The following WWTR1 variants were observed in gnomAD, a reference collection of about 807,000 sequenced individuals.
The protein encoded by WWTR1 is WW domain-containing transcription regulator protein 1.
A neutral mutation model predicts 40.1 loss-of-function variants in WWTR1; 13 were observed. The ratio of observed to expected loss-of-function variants is 0.32; its 90% CI spans 0.21 to 0.52. WWTR1 has a LOEUF of 0.52. Ranked by LOEUF, WWTR1 falls within the 20% of genes least tolerant of loss-of-function variation. The pLI, the probability that WWTR1 is intolerant of heterozygous loss-of-function variation, is 0.97. For synonymous variants in WWTR1, 230 were observed against 210.1 expected, an observed-to-expected ratio of 1.09 and a Z score of -0.82; for missense variants, 436 against 523.1, an observed-to-expected ratio of 0.83 and a Z score of 1.63.
chr3:149,654,262 C>T (rs1425348361), intron 2 of WWTR1, among the ~76,000 whole-genome samples: 3 of 152,168 alleles, frequency 2.0e-5, no homozygotes, highest in Admixed American at 6.5e-5. Context: ...CACTGAAATA[C>T]ACTGCCTTTT....
chr3:149,620,494 C>T (rs1449224055), intron 2 of WWTR1, among the ~76,000 whole-genome samples: 1 of 151,976 alleles, frequency 6.6e-6, no homozygotes, highest in Non-Finnish European at 1.5e-5. Flanking sequence ...AAACTTAGTT[C>T]CAAGTGCCTT....
chr3:149,619,686 G>T (rs1305131515), intron 2 of WWTR1, among the ~76,000 whole-genome samples: 3 of 152,102 alleles, frequency 2.0e-5, no homozygotes, highest in South Asian at 2.1e-4. Context: ...TCCACACTCT[G>T]TTTATTTTTA....
Position 149,595,725 on chromosome 3 carries a change from T to C in WWTR1, c.432-22725A>G, listed in dbSNP as rs77279305. 1.5e-3 allele frequency among the ~76,000 whole-genome samples: 222 copies of C among 152,268 alleles called. 1 individual carries two copies. The highest frequency in any genetic ancestry group is 5.2e-3 in the African/African-American group (217 of 41,556). On this transcript the variant is annotated intron_variant, in intron 2 of 6. Coordinates refer to ENST00000360632, the MANE Select transcript of WWTR1 (RefSeq NM_015472.6). Reference sequence around the variant, plus strand: ...AATTCCTCCCAAATTAACATTCATATTATGGTTCAAATTTCTCCATAATTG... The same window carrying C: ...AATTCCTCCCAAATTAACATTCATACTATGGTTCAAATTTCTCCATAATTG...
At chr3:149,723,120 C>A (rs916262542) in intron 4 of WWTR1, among the ~76,000 whole-genome samples, 2 of 149,346 alleles carry the variant, frequency 1.3e-5, no homozygotes, top group African/African-American at 2.5e-5. Flanking sequence ...ATATTTGAAT[C>A]TAATAATGTG....
At chr3:149,622,469 G>GAAA (rs1560089557) in intron 2 of WWTR1, among the ~76,000 whole-genome samples, 4 of 96,752 alleles carry the variant, frequency 4.1e-5, no homozygotes, top group African/African-American at 1.5e-4. Flanking sequence ...AAGGAAGGAA[G>GAAA]GAAGGAAGGA....
upstream of WWTR1, among the ~76,000 whole-genome samples, chr3:149,662,214 TTGTAACTCTAGAGCAGAGTGCA>T (rs1713618368): frequency 6.6e-6 from 1 of 151,980 alleles, no homozygotes; most frequent in Admixed American, 6.6e-5. Context: ...CAGCCCAGGG[TTGTAACTCTAGAGCAGAGTGCA>T]TTCTCCAGAC....
chr3:149,527,153 CTTTCTT>C (rs144248792), intron 5 of WWTR1, among the ~76,000 whole-genome samples: 76,044 of 144,342 alleles, frequency 0.53, 21,016 homozygotes, highest in South Asian at 0.69. Context: ...CTTTTCTTTT[CTTTCTT>C]TTTTTTTTTT....
chr3:149,673,904 C>A (rs60317346), intron 1 of WWTR1, among the ~76,000 whole-genome samples: 30,208 of 151,644 alleles, frequency 0.2, 3,269 homozygotes, highest in Admixed American at 0.3. Context: ...GGCTGTTTTG[C>A]AATGGAAGGT....
chr3:149,645,301 G>A (rs556857196), intron 2 of WWTR1, among the ~76,000 whole-genome samples: 4 of 151,234 alleles, frequency 2.6e-5, no homozygotes, highest in South Asian at 2.1e-4. Context: ...GGATGGTCTT[G>A]ATCTCCTGAC....
intron 2 of WWTR1, among the ~76,000 whole-genome samples, chr3:149,594,950 CTTTT>C (rs563658190): frequency 0.083 from 5,113 of 61,842 alleles, 514 homozygotes; most frequent in East Asian, 0.37. Context: ...CTCTTTTTTA[CTTTT>C]TTTTTTTTTT....
intron 2 of WWTR1, among the ~76,000 whole-genome samples, chr3:149,588,601 T>C (rs910507585): frequency 8.5e-5 from 13 of 152,224 alleles, no homozygotes; most frequent in African/African-American, 3.1e-4. Context: ...GTGAACATAA[T>C]CCCGTTTTGG....
intron 1 of WWTR1, among the ~76,000 whole-genome samples, chr3:149,673,684 C>T (rs994458971): frequency 1.3e-5 from 2 of 152,148 alleles, no homozygotes; most frequent in African/African-American, 4.8e-5. Flanking sequence ...AAAAAGCAGA[C>T]TCCATTTTTA....
chr3:149,555,990 T>C (rs926404104), intron 3 of WWTR1, among the ~76,000 whole-genome samples: 4 of 152,034 alleles, frequency 2.6e-5, no homozygotes, highest in African/African-American at 9.7e-5. Flanking sequence ...GAAATCAGGG[T>C]GGGGGACAAG....
At chr3:149,630,462 C>T (rs977230043) in intron 2 of WWTR1, among the ~76,000 whole-genome samples, 3 of 152,192 alleles carry the variant, frequency 2.0e-5, no homozygotes, top group Non-Finnish European at 4.4e-5. Context: ...TAGCTGGCCA[C>T]CTCATAGACA....
chr3:149,651,992 A>ATTTTTTTTTTT (rs368845286), intron 2 of WWTR1, among the ~76,000 whole-genome samples: 92 of 93,680 alleles, frequency 9.8e-4, no homozygotes, highest in East Asian at 2.6e-3. Context: ...CGCCCGGCTA[A>ATTTTTTTTTTT]TTTTTTTTTT....
At chr3:149,623,473 G>A (rs1000463047) in intron 2 of WWTR1, among the ~76,000 whole-genome samples, 1 of 152,144 alleles carries the variant, frequency 6.6e-6, no homozygotes, top group African/African-American at 2.4e-5. Flanking sequence ...CTATAAAATG[G>A]AATTCTGGGC....
chr3:149,531,772 T>C (rs1735592736), intron 4 of WWTR1, among the ~76,000 whole-genome samples: 1 of 152,154 alleles, frequency 6.6e-6, no homozygotes, highest in South Asian at 2.1e-4. Flanking sequence ...TCATTCTCTG[T>C]CTTTCCTACT....
chr3:149,604,093 A>G (rs1015487541), intron 2 of WWTR1, among the ~76,000 whole-genome samples: 1 of 152,260 alleles, frequency 6.6e-6, no homozygotes, highest in African/African-American at 2.4e-5. Context: ...ATAGTTTCAT[A>G]TTACATAATA....
intron 2 of WWTR1, among the ~76,000 whole-genome samples, chr3:149,641,829 TA>T (rs1479394794): frequency 1.3e-5 from 2 of 152,244 alleles, no homozygotes; most frequent in Non-Finnish European, 2.9e-5. Context: ...CTGTGTACCA[TA>T]CGGATTACAG....
Sources: allele counts gnomAD v4.1 joint callset (sites outside exome capture counted in the v4.1 genomes callset), GRCh38; gene constraint gnomAD v4.1.1; transcripts MANE v1.5; gene names NCBI Gene and HGNC (gene_info 2026-07-23, HGNC 2026-07-21).